Variants in CCDC68 observed in about 807,000 individuals in gnomAD.
The protein encoded by CCDC68 is coiled-coil domain containing 68.
A neutral mutation model predicts 47.1 loss-of-function variants in CCDC68; 45 were observed. The ratio of observed to expected loss-of-function variants is 0.96; its 90% CI spans 0.75 to 1.23. The LOEUF (loss-of-function observed/expected upper bound fraction) is 1.23. Among genes scored for constraint, CCDC68 ranks in the 50% most tolerant of loss-of-function variants. The pLI is 0.00. For missense variants in CCDC68, 353 were observed against 373.6 expected (o/e 0.94, Z 0.45); for synonymous variants, 131 against 129.5 (o/e 1.01, Z -0.08).
In CCDC68 at chr18:54,919,145, A is replaced by G. The variant is rs148624557; in HGVS notation, c.789+126T>C. Reference sequence around the variant, plus strand: ...AAAACAGAGACATATTGCATGAGAAACAAAAAAGGATATGTCAGTAGGGAG... The same window carrying G: ...AAAACAGAGACATATTGCATGAGAAGCAAAAAAGGATATGTCAGTAGGGAG... On this transcript the variant is annotated intron_variant, in intron 9 of 11. Transcript: ENST00000591504. 7.9e-3 allele frequency: 5,622 copies of G among 709,002 alleles called. 50 individuals are homozygous for G. Among genetic ancestry groups the G allele is most frequent in the Non-Finnish European group, 0.012 (4,692 of 403,448 alleles). 43.9% of individuals were successfully genotyped at this position (709,002 alleles called of 1,614,324 possible). A position where few individuals can be genotyped will look rare whatever the true frequency, so the allele number is the denominator to read the frequency against.
At chr18:54,920,225 CTTTCT>C (rs1216165557) in intron 8 of CCDC68, among the ~76,000 whole-genome samples, 1 of 115,610 alleles carries the variant, frequency 8.6e-6, no homozygotes, top group Non-Finnish European at 1.7e-5. Context: ...AATTCTGTTT[CTTTCT>C]TTTTTCTTTT....
intron 7 of CCDC68, among the ~76,000 whole-genome samples, chr18:54,930,677 TCCCTCCC>T (rs1568147644): frequency 1.1e-4 from 6 of 55,274 alleles, no homozygotes; most frequent in East Asian, 6.3e-4. Flanking sequence ...CTTCCTTCCC[TCCCTCCC>T]TCCCTCCCTC....
At chr18:54,920,297 C>T (rs1388535640) in intron 8 of CCDC68, among the ~76,000 whole-genome samples, 9 of 146,452 alleles carry the variant, frequency 6.1e-5, no homozygotes, top group South Asian at 2.1e-4. Context: ...CTTACTCTGT[C>T]GCCCAGGCTG....
At chr18:54,922,688 T>A (rs2044080670) in intron 8 of CCDC68, among the ~76,000 whole-genome samples, 1 of 151,172 alleles carries the variant, frequency 6.6e-6, no homozygotes, top group South Asian at 2.1e-4. Flanking sequence ...TCCATCTCTA[T>A]TAAAAATGCA....
At chr18:54,956,028 T>C (rs186693545) in intron 1 of CCDC68, among the ~76,000 whole-genome samples, 158 of 152,180 alleles carry the variant, frequency 1.0e-3, no homozygotes, top group African/African-American at 3.7e-3. Context: ...CTTGCTCTGT[T>C]GCCCAGGCTG....
chr18:54,904,538 T>C (rs186493969), intron 11 of CCDC68, 123 bp from the exon 12 acceptor site: 101 of 735,324 alleles, frequency 1.4e-4, no homozygotes, highest in South Asian at 9.1e-4. Flanking sequence ...TGCTTTGTTC[T>C]AAGAGATGTG....
intron 2 of CCDC68, among the ~76,000 whole-genome samples, chr18:54,943,306 A>G (rs879677724): frequency 2.0e-5 from 3 of 152,194 alleles, no homozygotes; most frequent in Non-Finnish European, 4.4e-5. Context: ...TAAATAAACT[A>G]TCAACTGCTA....
At chr18:54,945,067 T>C (rs931419414) in intron 2 of CCDC68, among the ~76,000 whole-genome samples, 2 of 152,228 alleles carry the variant, frequency 1.3e-5, no homozygotes, top group Non-Finnish European at 2.9e-5. Context: ...ATTGTATCTT[T>C]TAGTAATACC....
intron 7 of CCDC68, among the ~76,000 whole-genome samples, chr18:54,931,416 A>G (rs1320140503): frequency 6.6e-6 from 1 of 152,200 alleles, no homozygotes; most frequent in Non-Finnish European, 1.5e-5. Flanking sequence ...CTGATCGGAG[A>G]GGGCACCAAT....
intron 1 of CCDC68, among the ~76,000 whole-genome samples, chr18:54,945,908 G>A (rs72930936): frequency 0.14 from 21,202 of 152,174 alleles, 1,555 homozygotes; most frequent in Non-Finnish European, 0.16. Context: ...TTGGAAGCCA[G>A]AGAGAGGATG....
chr18:54,917,263 G>A (rs1228857269), intron 10 of CCDC68, among the ~76,000 whole-genome samples: 2 of 152,130 alleles, frequency 1.3e-5, no homozygotes, highest in Non-Finnish European at 2.9e-5. Flanking sequence ...GGCAAAGCTG[G>A]GAGGCCAGGA....
At chr18:54,904,676 G>C (rs1323032279) in intron 11 of CCDC68, among the ~76,000 whole-genome samples, 2 of 152,214 alleles carry the variant, frequency 1.3e-5, no homozygotes, top group African/African-American at 4.8e-5. Flanking sequence ...AAGCCGGAGA[G>C]AGGAAGAGCC....
chr18:54,953,549 T>TAGAGAGAGAG (rs879342365), intron 1 of CCDC68, among the ~76,000 whole-genome samples: 1 of 110,670 alleles, frequency 9.0e-6, no homozygotes, highest in African/African-American at 3.9e-5. Context: ...CATATATATA[T>TAGAGAGAGAG]ATAGAGAGAG....
intron 7 of CCDC68, among the ~76,000 whole-genome samples, chr18:54,934,311 T>TA (rs1396173059): frequency 6.6e-6 from 1 of 152,226 alleles, no homozygotes; most frequent in Non-Finnish European, 1.5e-5. Flanking sequence ...TATGCCTTCT[T>TA]AAAGTTCCAA....
At chr18:54,932,432 C>G in intron 7 of CCDC68, among the ~76,000 whole-genome samples, 1 of 152,020 alleles carries the variant, frequency 6.6e-6, no homozygotes, top group East Asian at 1.9e-4. Flanking sequence ...CTCAAGCGAT[C>G]CTCCTGCCTC....
intron 9 of CCDC68, 53 bp downstream of exon 9, chr18:54,919,218 C>G: frequency 7.2e-7 from 1 of 1,379,872 alleles, no homozygotes; most frequent in Non-Finnish European, 1.0e-6. Flanking sequence ...CGTATTTGGG[C>G]TCCACGCTGT....
At chr18:54,956,155 G>C (rs2044710387) in intron 1 of CCDC68, among the ~76,000 whole-genome samples, 1 of 152,024 alleles carries the variant, frequency 6.6e-6, no homozygotes, top group Non-Finnish European at 1.5e-5. Flanking sequence ...ACGCCCAGGT[G>C]ATTTTTGTAT....
rs546958509 is a variant in CCDC68 at position 54,927,335 on chromosome 18, T to C, written c.683+1465A>G. Among the ~76,000 whole-genome samples, 220 of 152,298 alleles carry C rather than the reference T, an allele frequency of 1.4e-3. 1 individual carries two copies. The highest frequency in any genetic ancestry group is 4.9e-3 in the African/African-American group (205 of 41,580). ...TTAGGAGCTTTTAAAGAATTATTTATAACAACTGCTTATATAGAATAGAAG... is the reference window on the plus strand; with the variant it reads ...TTAGGAGCTTTTAAAGAATTATTTACAACAACTGCTTATATAGAATAGAAG... On this transcript the variant is annotated intron_variant, in intron 8 of 11. Coordinates refer to ENST00000591504, the MANE Select transcript of CCDC68 (RefSeq NM_025214.3).
At position 54,917,763 on chromosome 18, in the gene CCDC68, T is replaced by C. The variant is rs1056023928; in HGVS notation, c.873+150A>G. On this transcript the variant is annotated intron_variant, in intron 10 of 11. Transcript: ENST00000591504. ...TCATATGCCCGCTCCCAAACAGACA[T>C]ACTCGTAGTGTTATACAGGCATACA... 20 of 630,578 alleles carry C rather than the reference T, an allele frequency of 3.2e-5. No homozygotes were observed. The East Asian group carries it at 5.3e-4, about 17-fold the overall frequency. 39.1% of individuals were successfully genotyped at this position (630,578 alleles called of 1,614,324 possible).
Sources: allele counts gnomAD v4.1 joint callset (sites outside exome capture counted in the v4.1 genomes callset), GRCh38; gene constraint gnomAD v4.1.1; transcripts MANE v1.5; gene names NCBI Gene and HGNC (gene_info 2026-07-23, HGNC 2026-07-21).